Variants in MLLT10 observed in about 807,000 individuals in gnomAD.
MLLT10 encodes the protein protein AF-10.
Under a neutral mutation model 129.1 loss-of-function variants are expected in MLLT10, and 30 were observed. That is an observed-to-expected ratio of 0.23 (90% CI 0.17 to 0.32). The LOEUF is 0.32. Among genes scored for constraint, MLLT10 ranks in the 10% least tolerant of loss-of-function variants. The pLI, the probability that MLLT10 is intolerant of heterozygous loss-of-function variation, is 1.00. For missense variants in MLLT10, 1,119 were observed against 1,268.3 expected (o/e 0.88, Z 1.79); for synonymous variants, 490 against 446.4 (o/e 1.10, Z -1.23).
chr10:21,717,535 CCT>C (rs2056704876), intron 14 of MLLT10, among the ~76,000 whole-genome samples: 1 of 132,148 alleles, frequency 7.6e-6, no homozygotes, highest in Non-Finnish European at 1.6e-5. Flanking sequence ...TCCTCCTCCT[CCT>C]CCTCCCTTCT....
intron 21 of MLLT10, among the ~76,000 whole-genome samples, chr10:21,736,366 C>T (rs1195127413): frequency 6.6e-6 from 1 of 152,180 alleles, no homozygotes; most frequent in Non-Finnish European, 1.5e-5. Flanking sequence ...CTCCTTGCAA[C>T]CTCCATCTCC....
chr10:21,636,237 C>T (rs1286329128), intron 8 of MLLT10, among the ~76,000 whole-genome samples: 1 of 152,140 alleles, frequency 6.6e-6, no homozygotes, highest in East Asian at 1.9e-4. Context: ...ACTCCCACCT[C>T]AGCCTCTGGA....
chr10:21,722,160 C>G (rs1251819173), intron 14 of MLLT10, among the ~76,000 whole-genome samples: 1 of 152,056 alleles, frequency 6.6e-6, no homozygotes, highest in Non-Finnish European at 1.5e-5. Context: ...AGAAAAGTTA[C>G]AAGGACAGTA....
chr10:21,563,151 A>G (rs1339043533), intron 3 of MLLT10, among the ~76,000 whole-genome samples: 1 of 152,108 alleles, frequency 6.6e-6, no homozygotes, highest in African/African-American at 2.4e-5. Context: ...CGCCAGACTT[A>G]GTCATAACCA....
chr10:21,676,196 G>A (rs1196689187), intron 11 of MLLT10, among the ~76,000 whole-genome samples: 1 of 152,106 alleles, frequency 6.6e-6, no homozygotes, highest in Non-Finnish European at 1.5e-5. Flanking sequence ...TTGGGAGGCT[G>A]AGGTGGGTGG....
intron 3 of MLLT10, among the ~76,000 whole-genome samples, chr10:21,555,983 T>C (rs2037891239): frequency 6.8e-6 from 1 of 147,506 alleles, no homozygotes; most frequent in East Asian, 2.0e-4. Context: ...GCACGGCCCT[T>C]TTTTTTTTTG....
At chr10:21,726,823 A>G (rs1240508476) in intron 15 of MLLT10, among the ~76,000 whole-genome samples, 1 of 151,770 alleles carries the variant, frequency 6.6e-6, no homozygotes, top group Admixed American at 6.6e-5. Context: ...TGAAAGTAAC[A>G]TAACACTGGG....
At chr10:21,686,809 C>G (rs1449195748) in intron 13 of MLLT10, among the ~76,000 whole-genome samples, 3 of 152,192 alleles carry the variant, frequency 2.0e-5, no homozygotes, top group Admixed American at 6.5e-5. Flanking sequence ...TGACGAAACC[C>G]CTTGTCTACT....
chr10:21,703,607 C>T (rs979274309), intron 13 of MLLT10, among the ~76,000 whole-genome samples: 12 of 151,950 alleles, frequency 7.9e-5, no homozygotes, highest in East Asian at 7.8e-4. Context: ...TGCAGTGGCG[C>T]GATCTCCGCT....
intron 5 of MLLT10, among the ~76,000 whole-genome samples, chr10:21,599,111 G>A (rs180789734): frequency 6.6e-6 from 1 of 151,800 alleles, no homozygotes; most frequent in Admixed American, 6.6e-5. Flanking sequence ...CTGGAAAGCG[G>A]AGGTTGCAGT....
At chr10:21,550,681 G>A (rs1334227577) in intron 3 of MLLT10, among the ~76,000 whole-genome samples, 1 of 152,004 alleles carries the variant, frequency 6.6e-6, no homozygotes, top group Admixed American at 6.6e-5. Context: ...ACGGATGGGT[G>A]CCACCAAGCC....
At chr10:21,710,503 A>C (rs1316281788) in intron 13 of MLLT10, among the ~76,000 whole-genome samples, 1 of 152,212 alleles carries the variant, frequency 6.6e-6, no homozygotes, top group East Asian at 1.9e-4. Flanking sequence ...TAAAATTTCA[A>C]CCATAGTGCA....
chr10:21,555,313 C>G (rs553598527), intron 3 of MLLT10, among the ~76,000 whole-genome samples: 1 of 152,152 alleles, frequency 6.6e-6, no homozygotes, highest in Admixed American at 6.6e-5. Flanking sequence ...GTCCCCACCT[C>G]CTGGATTCAA....
intron 9 of MLLT10, among the ~76,000 whole-genome samples, chr10:21,663,756 C>T (rs1190316631): frequency 2.0e-5 from 3 of 151,980 alleles, no homozygotes; most frequent in Non-Finnish European, 4.4e-5. Context: ...TTAGTAGAGA[C>T]GGGGTTTCAC....
chr10:21,731,384 A>C (rs1379596676), intron 17 of MLLT10, among the ~76,000 whole-genome samples: 2 of 152,056 alleles, frequency 1.3e-5, no homozygotes, highest in African/African-American at 4.8e-5. Context: ...GACATGAAAA[A>C]TGTAAGGACC....
At chr10:21,711,580 C>T (rs569401219) in intron 13 of MLLT10, among the ~76,000 whole-genome samples, 177 of 131,944 alleles carry the variant, frequency 1.3e-3, no homozygotes, top group African/African-American at 4.9e-3. Flanking sequence ...CCACAACCAA[C>T]GCAAAAAAAA....
chr10:21,741,824 A>G, intron 22 of MLLT10, 115 bp from the exon 23 acceptor site: 1 of 1,107,184 alleles, frequency 9.0e-7, no homozygotes, highest in Non-Finnish European at 1.3e-6. Flanking sequence ...CCAACTTGCA[A>G]GAAAAAAGGG....
intron 3 of MLLT10, among the ~76,000 whole-genome samples, chr10:21,562,527 AG>A (rs1588952050): frequency 6.6e-6 from 1 of 151,506 alleles, no homozygotes; most frequent in South Asian, 2.1e-4. Flanking sequence ...TAGTAGAGAC[AG>A]GGTTTTACCA....
intron 13 of MLLT10, 103 bp from the exon 14 acceptor site, chr10:21,713,667 TAA>T: frequency 1.1e-6 from 1 of 935,796 alleles, no homozygotes; most frequent in Non-Finnish European, 1.6e-6. Context: ...ATAAGATTTA[TAA>T]TTGGAGGAGG....
Sources: gnomAD v4.1 joint callset for allele counts (sites outside exome capture counted in the v4.1 genomes callset) on GRCh38, gnomAD v4.1.1 for gene constraint, MANE v1.5 for transcripts, NCBI Gene and HGNC (gene_info 2026-07-23, HGNC 2026-07-21) for gene names.